The following SVOPL variants were observed in gnomAD, a reference collection of about 807,000 sequenced individuals.
SVOPL encodes SVOP like, also known as putative transporter SVOPL.
Under a neutral mutation model 61.0 loss-of-function variants are expected in SVOPL, and 60 were observed. That is an observed-to-expected ratio of 0.98 (90% confidence interval 0.80 to 1.22). SVOPL has a LOEUF of 1.22. Ranked by LOEUF, SVOPL falls within the 50% of genes most tolerant of loss-of-function variation. SVOPL has a pLI of 0.00. For missense variants in SVOPL, 662 were observed against 643.9 expected, an observed-to-expected ratio of 1.03 and a Z score of -0.30; for synonymous variants, 279 against 250.0, an observed-to-expected ratio of 1.12 and a Z score of -1.09.
chr7:138,598,107 A>T (rs1183731718), intron 14 of SVOPL, among the ~76,000 whole-genome samples: 1 of 152,248 alleles, frequency 6.6e-6, no homozygotes, highest in African/African-American at 2.4e-5. Flanking sequence ...TCTGAGTAAT[A>T]CCTGATTATA....
intron 14 of SVOPL, among the ~76,000 whole-genome samples, chr7:138,615,265 A>G (rs566270026): frequency 2.6e-5 from 4 of 152,252 alleles, no homozygotes; most frequent in African/African-American, 9.6e-5. Flanking sequence ...CCTTAAAAAA[A>G]GAGATCACAA....
rs181174025 is a variant in SVOPL at position 138,685,356 on chromosome 7, T to C, written c.-34-6277A>G. Among the ~76,000 whole-genome samples, 173 of 152,200 alleles carry C rather than the reference T, an allele frequency of 1.1e-3. 1 individual carries two copies. The highest frequency in any genetic ancestry group is 2.0e-3 in the Non-Finnish European group (139 of 68,046). ...GCACAGAATAATGAATACTATGTTG[T>C]ATCATTTACATGACGAATCTAGAAT... On this transcript the variant is annotated intron_variant, in intron 1 of 15. Coordinates refer to ENST00000674285, the MANE Select transcript of SVOPL (RefSeq NM_001139456.2).
chr7:138,637,463 T>TATATAGATAGATATAG (rs1800537816), intron 9 of SVOPL, among the ~76,000 whole-genome samples: 1 of 19,096 alleles, frequency 5.2e-5, no homozygotes, highest in African/African-American at 1.4e-4. Context: ...TAGATATATA[T>TATATAGATAGATATAG]ATATAGATAT....
intron 10 of SVOPL, 74 bp from the exon 11 acceptor site, chr7:138,628,437 A>G: frequency 1.4e-6 from 2 of 1,475,888 alleles, no homozygotes; most frequent in Non-Finnish European, 1.9e-6. Context: ...GGGGATACCA[A>G]GTGGAACGTG....
chr7:138,694,367 C>T (rs1209784301), intron 1 of SVOPL, among the ~76,000 whole-genome samples: 1 of 152,130 alleles, frequency 6.6e-6, no homozygotes, highest in African/African-American at 2.4e-5. Flanking sequence ...GCCTCAGCCT[C>T]CCCAGTAGCT....
At position 138,701,359 on chromosome 7, in the gene SVOPL, C is replaced by T. The variant is rs558606107; in HGVS notation, c.-216G>A. On this transcript the variant is annotated 5_prime_UTR_variant, in exon 1 of 16. Transcript: ENST00000674285. The stretch of plus-strand genomic sequence containing the variant: ...TCAGGTCGGGTCTCAGATCAGGATT[C>T]TTTAAGGGCCAACTTCGCATTCTGG... The T allele has an allele frequency of 2.4e-4, 36 of 152,358 alleles. No homozygotes were observed. The highest frequency in any genetic ancestry group is 8.4e-4 in the African/African-American group (35 of 41,562). The allele number at this position is 152,358 out of a possible 1,614,324, so 9.4% of individuals were successfully genotyped here.
At chr7:138,605,414 C>T (rs1798709950) in intron 14 of SVOPL, among the ~76,000 whole-genome samples, 1 of 151,942 alleles carries the variant, frequency 6.6e-6, no homozygotes, top group Non-Finnish European at 1.5e-5. Context: ...GTAATCCTAG[C>T]ACTTTGGGAG....
chr7:138,607,110 C>A (rs1344370559), intron 14 of SVOPL, among the ~76,000 whole-genome samples: 1 of 151,688 alleles, frequency 6.6e-6, no homozygotes, highest in Non-Finnish European at 1.5e-5. Context: ...AGCAGGGAGG[C>A]CAGACGGGTT....
At chr7:138,680,495 C>G (rs995316426) in intron 1 of SVOPL, among the ~76,000 whole-genome samples, 2 of 151,796 alleles carry the variant, frequency 1.3e-5, no homozygotes, top group African/African-American at 4.8e-5. Flanking sequence ...AAAAAGGATT[C>G]TTAACTCTAA....
At chr7:138,677,052 C>T (rs1354508965) in intron 3 of SVOPL, among the ~76,000 whole-genome samples, 2 of 152,056 alleles carry the variant, frequency 1.3e-5, no homozygotes, top group Admixed American at 6.5e-5. Context: ...TACAGGCGCC[C>T]GCCACCATGC....
chr7:138,632,436 A>G (rs1800250475), intron 9 of SVOPL, among the ~76,000 whole-genome samples: 1 of 149,038 alleles, frequency 6.7e-6, no homozygotes, highest in Admixed American at 6.6e-5. Flanking sequence ...CTCCATCTCA[A>G]AAAATAAACA....
chr7:138,598,610 T>C (rs951350305), intron 14 of SVOPL, among the ~76,000 whole-genome samples: 14 of 152,174 alleles, frequency 9.2e-5, no homozygotes, highest in Admixed American at 4.6e-4. Context: ...ATTGAAATCA[T>C]AGAGTGTGTT....
rs10624737 is a variant in SVOPL at position 138,629,153 on chromosome 7, G to GTGTGTGTGTATA, written c.864-791_864-790insTATACACACACA. Among the ~76,000 whole-genome samples, 369 of 147,354 alleles carry GTGTGTGTGTATA rather than the reference G, an allele frequency of 2.5e-3. 2 individuals are homozygous for GTGTGTGTGTATA. The highest frequency in any genetic ancestry group is 0.014 in the Middle Eastern group (4 of 288). ...TGTGTGTGTGTGTGTGTGTGTGTGTGTATATATGTATATATAATTTGCTGG... is the reference window on the plus strand; with the variant it reads ...TGTGTGTGTGTGTGTGTGTGTGTGTGTGTGTGTGTATATATATATGTATATATAATTTGCTGG... On this transcript the variant is annotated intron_variant, in intron 10 of 15. Coordinates refer to ENST00000674285, the MANE Select transcript of SVOPL (RefSeq NM_001139456.2).
intron 13 of SVOPL, among the ~76,000 whole-genome samples, chr7:138,622,276 A>G (rs1584794103): frequency 6.8e-5 from 10 of 146,264 alleles, no homozygotes; most frequent in South Asian, 2.3e-4. Flanking sequence ...CTATGTATCT[A>G]TCTATCTATC....
chr7:138,626,865 T>A (rs995177568), intron 12 of SVOPL, among the ~76,000 whole-genome samples: 1 of 149,952 alleles, frequency 6.7e-6, no homozygotes, highest in Non-Finnish European at 1.5e-5. Flanking sequence ...AAAAAAAAAA[T>A]TAGCACACCT....
intron 14 of SVOPL, among the ~76,000 whole-genome samples, chr7:138,602,349 C>T (rs540405524): frequency 2.6e-5 from 4 of 151,902 alleles, no homozygotes; most frequent in Non-Finnish European, 5.9e-5. Context: ...AATTATGGCA[C>T]ATACATGCCA....
chr7:138,691,629 C>T (rs1009382483), intron 1 of SVOPL, among the ~76,000 whole-genome samples: 3 of 152,182 alleles, frequency 2.0e-5, no homozygotes, highest in Admixed American at 6.5e-5. Context: ...CAACCTCTGC[C>T]TCCCAGGTTC....
At chr7:138,669,279 G>C (rs1376082835) in intron 4 of SVOPL, among the ~76,000 whole-genome samples, 1 of 152,124 alleles carries the variant, frequency 6.6e-6, no homozygotes, top group East Asian at 1.9e-4. Flanking sequence ...GCCAGGTGTG[G>C]TGACCCACAT....
intron 15 of SVOPL, among the ~76,000 whole-genome samples, chr7:138,595,004 C>T (rs956253881): frequency 6.6e-6 from 1 of 151,926 alleles, no homozygotes; most frequent in African/African-American, 2.4e-5. Flanking sequence ...GATCCACCTG[C>T]CTCAGCCTCC....
Sources: gnomAD v4.1 joint callset for allele counts (sites outside exome capture counted in the v4.1 genomes callset) on GRCh38, gnomAD v4.1.1 for gene constraint, MANE v1.5 for transcripts, NCBI Gene and HGNC (gene_info 2026-07-23, HGNC 2026-07-21) for gene names.